Variants in ULK4 observed in about 807,000 individuals in gnomAD.
The protein encoded by ULK4 is unc-51 like kinase 4.
ULK4 carries 133 observed loss-of-function variants against 160.6 expected under a neutral mutation model. That is an observed-to-expected ratio of 0.83 (90% CI 0.72 to 0.96). ULK4 has a LOEUF of 0.96. Among genes scored for constraint, ULK4 ranks in the 40% least tolerant of loss-of-function variants. The pLI is 0.00. For synonymous variants in ULK4, 534 were observed against 539.8 expected, an observed-to-expected ratio of 0.99 and a Z score of 0.15; for missense variants, 1,580 against 1,499.5, an observed-to-expected ratio of 1.05 and a Z score of -0.89.
intron 35 of ULK4, among the ~76,000 whole-genome samples, chr3:41,267,154 G>A (rs1001560363): frequency 6.6e-6 from 1 of 151,008 alleles, no homozygotes; most frequent in Admixed American, 6.6e-5. Context: ...CTTCTAAGTT[G>A]CCTCCCCTTG....
chr3:41,846,030 A>G (rs2042061470), intron 17 of ULK4, among the ~76,000 whole-genome samples: 1 of 152,232 alleles, frequency 6.6e-6, no homozygotes, highest in Admixed American at 6.5e-5. Context: ...CCTTAAAGTG[A>G]TAAAACTGTC....
In ULK4 at chr3:41,623,565, G is replaced by A. The variant is rs1415776428; in HGVS notation, c.3072-7848C>T. The stretch of plus-strand genomic sequence containing the variant: ...GAAACAAGAAACTCTCATTTGTGAC[G>A]ATAAGGATGAATTATCCTAAGTGAA... On this transcript the variant is annotated intron_variant, in intron 30 of 36. Coordinates refer to ENST00000301831, the MANE Select transcript of ULK4 (RefSeq NM_017886.4). 2.6e-5 allele frequency among the ~76,000 whole-genome samples: 4 copies of A among 152,118 alleles called. No homozygotes were observed. In the East Asian group the frequency reaches 5.8e-4, roughly 22 times the overall value.
chr3:41,263,557 A>C (rs1376408761), intron 35 of ULK4, among the ~76,000 whole-genome samples: 1 of 152,104 alleles, frequency 6.6e-6, no homozygotes, highest in Admixed American at 6.6e-5. Flanking sequence ...TTCAGCCACT[A>C]TACATAGGGA....
At chr3:41,647,996 G>A (rs578153699) in intron 30 of ULK4, among the ~76,000 whole-genome samples, 8 of 152,324 alleles carry the variant, frequency 5.3e-5, no homozygotes, top group South Asian at 4.1e-4. Flanking sequence ...AGGACCCTCC[G>A]AGCCAGGTGC....
intron 23 of ULK4, among the ~76,000 whole-genome samples, 182 bp downstream of exon 23, chr3:41,717,546 T>C (rs2037311914): frequency 6.6e-6 from 1 of 152,202 alleles, no homozygotes; most frequent in Admixed American, 6.5e-5. Context: ...ATGTCATTGA[T>C]GCAAAATAAT....
At chr3:41,780,238 G>A (rs916877329) in intron 21 of ULK4, among the ~76,000 whole-genome samples, 1 of 152,024 alleles carries the variant, frequency 6.6e-6, no homozygotes, top group Admixed American at 6.5e-5. Flanking sequence ...AGCCCAGGAG[G>A]CAGCGGTTTC....
At chr3:41,610,404 T>C (rs951220759) in intron 31 of ULK4, among the ~76,000 whole-genome samples, 4 of 152,248 alleles carry the variant, frequency 2.6e-5, no homozygotes, top group Non-Finnish European at 4.4e-5. Flanking sequence ...AACATAAGCA[T>C]GTAGATTCTT....
At chr3:41,559,131 G>T (rs2087449536) in intron 32 of ULK4, among the ~76,000 whole-genome samples, 1 of 150,352 alleles carries the variant, frequency 6.7e-6, no homozygotes. Context: ...GCAGTGTTTG[G>T]TTTTCTGTCC....
chr3:41,846,430 G>A (rs2125668721), intron 17 of ULK4, among the ~76,000 whole-genome samples: 1 of 152,244 alleles, frequency 6.6e-6, no homozygotes, highest in African/African-American at 2.4e-5. Context: ...CAAGGAATAT[G>A]TGGATATTGT....
At chr3:41,402,172 G>A (rs2082195240) in intron 34 of ULK4, among the ~76,000 whole-genome samples, 1 of 152,134 alleles carries the variant, frequency 6.6e-6, no homozygotes, top group South Asian at 2.1e-4. Context: ...CATATTTAAT[G>A]TATACATTTT....
intron 17 of ULK4, among the ~76,000 whole-genome samples, chr3:41,840,238 G>A (rs1459875415): frequency 6.6e-6 from 1 of 152,062 alleles, no homozygotes; most frequent in Non-Finnish European, 1.5e-5. Flanking sequence ...AGACCAACCT[G>A]GACAACAAAG....
chr3:41,394,814 A>G (rs1007791383), intron 35 of ULK4, among the ~76,000 whole-genome samples: 1 of 152,114 alleles, frequency 6.6e-6, no homozygotes, highest in African/African-American at 2.4e-5. Context: ...ACTTGGCCCA[A>G]CACTGACTGA....
At chr3:41,675,069 G>C (rs148360988) in intron 29 of ULK4, among the ~76,000 whole-genome samples, 1 of 151,790 alleles carries the variant, frequency 6.6e-6, no homozygotes, top group Non-Finnish European at 1.5e-5. Context: ...GTGAAACCCC[G>C]TATCTACTAA....
At chr3:41,717,138 G>C in intron 23 of ULK4, among the ~76,000 whole-genome samples, 1 of 152,072 alleles carries the variant, frequency 6.6e-6, no homozygotes, top group South Asian at 2.1e-4. Context: ...TTTGATAGCA[G>C]AGCAGGGTGA....
chr3:41,877,092 G>A (rs1697332082), intron 17 of ULK4, among the ~76,000 whole-genome samples: 1 of 152,040 alleles, frequency 6.6e-6, no homozygotes, highest in Non-Finnish European at 1.5e-5. Context: ...AAAAAAAATT[G>A]AAAACATATG....
chr3:41,791,607 A>G (rs945526673), intron 20 of ULK4, among the ~76,000 whole-genome samples: 3 of 152,198 alleles, frequency 2.0e-5, no homozygotes, highest in African/African-American at 4.8e-5. Context: ...CGTTTATACC[A>G]TTCAAATTTT....
chr3:41,679,586 TG>T (rs2125787827), intron 29 of ULK4, among the ~76,000 whole-genome samples: 1 of 152,328 alleles, frequency 6.6e-6, no homozygotes, highest in African/African-American at 2.4e-5. Flanking sequence ...TCCTCATCTC[TG>T]GAAAAAGTAA....
chr3:41,771,934 GAC>G (rs1444982640), intron 21 of ULK4, among the ~76,000 whole-genome samples: 3 of 152,072 alleles, frequency 2.0e-5, no homozygotes, highest in Non-Finnish European at 4.4e-5. Context: ...GAATTAGAGA[GAC>G]ACAACGGAAG....
intron 1 of ULK4, among the ~76,000 whole-genome samples, chr3:41,957,562 C>T (rs922892338): frequency 6.0e-5 from 9 of 151,106 alleles, no homozygotes; most frequent in Non-Finnish European, 1.2e-4. Context: ...CAAAACAGCA[C>T]ATTGGCCAGG....
Sources: allele counts gnomAD v4.1 joint callset (sites outside exome capture counted in the v4.1 genomes callset), GRCh38; gene constraint gnomAD v4.1.1; transcripts MANE v1.5; gene names NCBI Gene and HGNC (gene_info 2026-07-23, HGNC 2026-07-21).